USP24: variants seen among roughly 807,000 people sequenced by gnomAD.
USP24 encodes ubiquitin specific peptidase 24, also known as ubiquitin carboxyl-terminal hydrolase 24.
Under a neutral mutation model 361.6 loss-of-function variants are expected in USP24, and 97 were observed. The ratio of observed to expected loss-of-function variants is 0.27; its 90% CI spans 0.23 to 0.32. The LOEUF is 0.32. Among genes scored for constraint, USP24 ranks in the 10% least tolerant of loss-of-function variants. USP24 has a pLI of 1.00. For synonymous variants in USP24, 1,098 were observed against 1,124.6 expected (o/e 0.98, Z 0.47); for missense variants, 2,353 against 3,165.6 (o/e 0.74, Z 6.16).
At chr1:55,088,558 CAG>C (rs1487012907) in intron 55 of USP24, among the ~76,000 whole-genome samples, 1 of 152,188 alleles carries the variant, frequency 6.6e-6, no homozygotes, top group East Asian at 1.9e-4. Context: ...CAAGCTGGAA[CAG>C]ACTCTGGCAG....
intron 10 of USP24, among the ~76,000 whole-genome samples, chr1:55,157,932 A>C (rs902946163): frequency 2.0e-5 from 3 of 152,150 alleles, no homozygotes; most frequent in African/African-American, 7.2e-5. Flanking sequence ...CCCAAACCTC[A>C]ATCAGGCACT....
At chr1:55,180,889 C>T (rs1343235282) in intron 1 of USP24, among the ~76,000 whole-genome samples, 1 of 152,082 alleles carries the variant, frequency 6.6e-6, no homozygotes, top group African/African-American at 2.4e-5. Flanking sequence ...TGGCACCTAG[C>T]ATAAAGTAGG....
intron 1 of USP24, among the ~76,000 whole-genome samples, chr1:55,211,421 A>G (rs1569844619): frequency 1.3e-5 from 2 of 152,296 alleles, no homozygotes; most frequent in East Asian, 1.9e-4. Flanking sequence ...TCTGCAAAAC[A>G]CTATCTTTAC....
intron 41 of USP24, among the ~76,000 whole-genome samples, chr1:55,105,631 G>A (rs1470118668): frequency 2.6e-5 from 4 of 152,144 alleles, no homozygotes; most frequent in African/African-American, 9.7e-5. Context: ...ACCACTCAAG[G>A]AGGGTCAACA....
At chr1:55,108,733 G>A (rs1337252162) in intron 39 of USP24, among the ~76,000 whole-genome samples, 2 of 152,180 alleles carry the variant, frequency 1.3e-5, no homozygotes, top group African/African-American at 4.8e-5. Flanking sequence ...TTTCAAAGTT[G>A]CATGTGTGTA....
At chr1:55,106,301 C>G in intron 40 of USP24, 38 bp from the exon 41 acceptor site, 1 of 1,489,754 alleles carries the variant, frequency 6.7e-7, no homozygotes, top group Non-Finnish European at 9.3e-7. Context: ...AAGATGAACA[C>G]ATATTTTAAT....
rs1218387788 is a variant in USP24 at position 55,215,159 on chromosome 1, G to A, written c.-46C>T. The A allele has an allele frequency of 6.6e-6, 8 of 1,207,672 alleles. No homozygotes were observed. Among genetic ancestry groups the A allele is most frequent in the African/African-American group, 6.3e-5 (4 of 63,212 alleles). The allele number at this position is 1,207,672 out of a possible 1,614,324, so 74.8% of individuals were successfully genotyped here. ...CCCGGCCAGCGCACGGCGAAGCTAC[G>A]GGTCCCGGGCCTGGCGGGCCGCGCG... On this transcript the variant is annotated 5_prime_UTR_variant, in exon 1 of 68. Transcript: ENST00000294383.
intron 1 of USP24, among the ~76,000 whole-genome samples, chr1:55,209,941 A>G (rs1458597833): frequency 6.6e-6 from 1 of 152,224 alleles, no homozygotes; most frequent in Middle Eastern, 3.2e-3. Context: ...AAAATACTTA[A>G]GTATATGGAC....
rs1481768140 is a variant in USP24 at position 55,071,860 on chromosome 1, G to A, written c.7754C>T (p.Ser2585Leu). 2.5e-6 allele frequency: 4 copies of A among 1,613,340 alleles called. No homozygotes were observed. Among genetic ancestry groups the A allele is most frequent in the Non-Finnish European group, 3.4e-6 (4 of 1,179,748 alleles). The change falls in exon 67 of 68, where the codon TCG (serine) becomes TTG (leucine). Residue 2585 changes from serine (S) to leucine (L), a missense_variant. Ser to Leu is a moderately radical substitution (Grantham distance 145). Around this residue, in one of 8 missense-constraint regions of USP24, gnomAD observed 53 missense variants for 57.7 expected, o/e 0.92. Transcript: ENST00000294383. ...EKEQSGSSNGSESSPANENGD... is the reference protein window; with the variant it reads ...EKEQSGSSNGLESSPANENGD... ...GTTCTCATTGGCAGGACTACTCTCCGACCCATTACTGCTTCCTGATTGCTC... is the reference window on the plus strand; with the variant it reads ...GTTCTCATTGGCAGGACTACTCTCCAACCCATTACTGCTTCCTGATTGCTC...
Position 55,147,126 on chromosome 1 carries a change from A to C in USP24, c.2119-66T>G, listed in dbSNP as rs962623634. On this transcript the variant is annotated intron_variant, in intron 18 of 67. Transcript: ENST00000294383. Reference sequence around the variant, plus strand: ...TCATTCCTAAAAGCAACATTAAAACAAAACAAAACTTTAAGTTTTAACAAC... The same window carrying C: ...TCATTCCTAAAAGCAACATTAAAACCAAACAAAACTTTAAGTTTTAACAAC... The C allele has an allele frequency of 3.5e-6, 5 of 1,431,136 alleles. No homozygotes were observed. In the African/African-American group the frequency reaches 7.4e-5, roughly 21 times the overall value. 88.7% of individuals were successfully genotyped at this position (1,431,136 alleles called of 1,614,324 possible).
chr1:55,111,842 T>C (rs1425778298), intron 38 of USP24, among the ~76,000 whole-genome samples: 1 of 152,060 alleles, frequency 6.6e-6, no homozygotes, highest in Non-Finnish European at 1.5e-5. Context: ...AAACAGAAGG[T>C]TAAATGTTTC....
intron 3 of USP24, among the ~76,000 whole-genome samples, chr1:55,173,660 C>T (rs889751896): frequency 6.6e-6 from 1 of 152,180 alleles, no homozygotes. Context: ...AGAGCCCAAA[C>T]TGTAATAGCT....
intron 1 of USP24, among the ~76,000 whole-genome samples, chr1:55,188,964 C>CAAAAAAAAAAAAAAAAAAAAAAA (rs533085761): frequency 2.7e-5 from 2 of 74,418 alleles, no homozygotes; most frequent in African/African-American, 7.1e-5. Flanking sequence ...AACTCCATCT[C>CAAAAAAAAAAAAAAAAAAAAAAA]AAAAAAAAAA....
intron 35 of USP24, 83 bp from the exon 36 acceptor site, chr1:55,123,685 T>C: frequency 1.5e-6 from 2 of 1,354,810 alleles, no homozygotes; most frequent in Non-Finnish European, 1.9e-6. Context: ...TGTTCCAGAA[T>C]CCTCATGTGA....
At chr1:55,163,951 C>G (rs1382008379) in intron 7 of USP24, among the ~76,000 whole-genome samples, 1 of 151,946 alleles carries the variant, frequency 6.6e-6, no homozygotes, top group Non-Finnish European at 1.5e-5. Flanking sequence ...TGACTGTAAT[C>G]TTCAACTCAG....
chr1:55,127,262 CTG>C (rs1441502308), intron 32 of USP24, among the ~76,000 whole-genome samples: 1 of 152,132 alleles, frequency 6.6e-6, no homozygotes, highest in Non-Finnish European at 1.5e-5. Flanking sequence ...GTTCCCCTTC[CTG>C]TGTCCATGTG....
At chr1:55,092,785 C>G in intron 53 of USP24, 36 bp downstream of exon 53, 1 of 1,400,060 alleles carries the variant, frequency 7.1e-7, no homozygotes, top group Non-Finnish European at 9.9e-7. Context: ...TAATTGTAAC[C>G]CTTTCTTATT....
chr1:55,207,436 G>A (rs967286717), intron 1 of USP24, among the ~76,000 whole-genome samples: 5 of 152,160 alleles, frequency 3.3e-5, no homozygotes, highest in African/African-American at 1.2e-4. Flanking sequence ...GAAACCTACT[G>A]ATACAGGAGT....
chr1:55,077,228 G>T lies in USP24; in HGVS notation c.7380+7C>A. ...AATAAAAGTGAGTCAGAACAGTTAT[G>T]ACTTACCAATATTTCATGAAGTAGT... On this transcript the variant is annotated splice_region_variant and intron_variant, in intron 62 of 67. Coordinates refer to ENST00000294383, the MANE Select transcript of USP24 (RefSeq NM_015306.3). The T allele has an allele frequency of 3.9e-6, 6 of 1,537,640 alleles. No homozygotes were observed. In the South Asian group the frequency reaches 6.2e-5, roughly 16 times the overall value.
Sources: gnomAD v4.1 joint callset for allele counts (sites outside exome capture counted in the v4.1 genomes callset) on GRCh38, gnomAD v4.1.1 for gene constraint, gnomAD v4.1.1 regional missense constraint, MANE v1.5 for transcripts, NCBI Gene and HGNC (gene_info 2026-07-23, HGNC 2026-07-21) for gene names.